The following SMAD5 variants were observed in gnomAD, a reference collection of about 807,000 sequenced individuals.
The protein encoded by SMAD5 is SMAD family member 5, also known as MAD, mothers against decapentaplegic homolog 5.
In SMAD5, 9 loss-of-function variants were observed where a neutral mutation model predicts 43.1. The observed-to-expected ratio is 0.21, with a 90% CI of 0.13 to 0.36. SMAD5 has a LOEUF of 0.36. SMAD5 is among the 10% of genes least tolerant of loss of function. The probability of loss-of-function intolerance (pLI) is 1.00; values close to 1 mark genes in which losing one functional copy is unlikely to be tolerated. For synonymous variants in SMAD5, 190 were observed against 192.4 expected (o/e 0.99, Z 0.10); for missense variants, 348 against 574.0 (o/e 0.61, Z 4.02).
chr5:136,143,990 C>T (rs963671449), intron 1 of SMAD5, among the ~76,000 whole-genome samples: 1 of 151,886 alleles, frequency 6.6e-6, no homozygotes, highest in African/African-American at 2.4e-5. Flanking sequence ...CATGTATGTA[C>T]TCTAAATACC....
chr5:136,168,980 A>G (rs1435368911), intron 5 of SMAD5, among the ~76,000 whole-genome samples: 2 of 152,268 alleles, frequency 1.3e-5, no homozygotes, highest in South Asian at 2.1e-4. Context: ...GGAGTTTATT[A>G]AGGAGAATTG....
chr5:136,138,133 C>T (rs1240322615), intron 1 of SMAD5, among the ~76,000 whole-genome samples: 2 of 152,136 alleles, frequency 1.3e-5, no homozygotes, highest in African/African-American at 4.8e-5. Context: ...AGATCAGGCT[C>T]TGTTTAATTA....
chr5:136,166,693 A>C (rs1213976446), intron 5 of SMAD5, among the ~76,000 whole-genome samples: 1 of 152,254 alleles, frequency 6.6e-6, no homozygotes, highest in African/African-American at 2.4e-5. Flanking sequence ...AGCACACAAC[A>C]TTAGGCCGTA....
At chr5:136,143,021 C>A (rs990622052) in intron 1 of SMAD5, among the ~76,000 whole-genome samples, 1 of 152,050 alleles carries the variant, frequency 6.6e-6, no homozygotes, top group Non-Finnish European at 1.5e-5. Flanking sequence ...TATCACAATT[C>A]ATCTCTCCAA....
In SMAD5 at chr5:136,161,100, G is replaced by A; in HGVS notation, c.648G>A (p.Gln216=). The part of the protein sequence containing the change: ...PASSGPGSPF[Q]LPADTPPPAY... The stretch of plus-strand genomic sequence containing the variant: ...GTTCTGGACCAGGAAGTCCATTTCA[G>A]CTCCCAGGTAAGACTTTATTTTATT... The change falls in exon 4 of 8, where the codon CAG becomes CAA. Residue 216 remains glutamine, a synonymous_variant. Transcript: ENST00000545279. The A allele has an allele frequency of 4.3e-6, 7 of 1,612,204 alleles. No individual in the cohort carries two copies. The highest frequency in any genetic ancestry group is 5.9e-6 in the Non-Finnish European group (7 of 1,179,482).
intron 3 of SMAD5, among the ~76,000 whole-genome samples, chr5:136,155,096 A>G (rs1214846681): frequency 2.6e-5 from 4 of 152,232 alleles, no homozygotes; most frequent in East Asian, 3.9e-4. Context: ...ACTCAAGTCA[A>G]CTTCTCCCTT....
rs1225477555 is a variant in SMAD5 at position 136,181,952 on chromosome 5, C to A, written c.*4472C>A. ...AGTAAAACAGGTGATAAGTTATTTT[C>A]TCTGAAAAGATCCAGTCCTAGAGCA... On this transcript the variant is annotated 3_prime_UTR_variant, in exon 8 of 8. Transcript: ENST00000545279. 3 of 152,158 alleles carry A rather than the reference C, an allele frequency of 2.0e-5. No homozygotes were observed. The highest frequency in any genetic ancestry group is 2.9e-5 in the Non-Finnish European group (2 of 68,016). The allele number at this position is 152,158 out of a possible 1,614,324, so 9.4% of individuals were successfully genotyped here.
At chr5:136,150,676 G>A (rs1753426162) in intron 2 of SMAD5, among the ~76,000 whole-genome samples, 1 of 151,926 alleles carries the variant, frequency 6.6e-6, no homozygotes, top group Non-Finnish European at 1.5e-5. Flanking sequence ...GCAGGGATTT[G>A]GATTGGATCA....
chr5:136,156,671 A>G (rs1312898788), intron 3 of SMAD5, among the ~76,000 whole-genome samples: 1 of 152,186 alleles, frequency 6.6e-6, no homozygotes, highest in Non-Finnish European at 1.5e-5. Context: ...CAAGCTTGCT[A>G]TTTGCTAGGA....
In SMAD5 at chr5:136,178,937, C is replaced by G. The variant is rs994011709; in HGVS notation, c.*1457C>G. ...GCATGGTGGTGCGTGCCTGAAGTCC[C>G]AGCTACTCGGGAAGCTGAGGCAGAA... On this transcript the variant is annotated 3_prime_UTR_variant, in exon 8 of 8. Transcript: ENST00000545279. 1 of 152,388 alleles carries G rather than the reference C, an allele frequency of 6.6e-6. No individual in the cohort carries two copies. The highest frequency in any genetic ancestry group is 1.5e-5 in the Non-Finnish European group (1 of 68,244). 9.4% of individuals were successfully genotyped at this position (152,388 alleles called of 1,614,324 possible). A position where few individuals can be genotyped will look rare whatever the true frequency, so the allele number is the denominator to read the frequency against.
In SMAD5 at chr5:136,157,132, A is replaced by G. The variant is rs577782630; in HGVS notation, c.403+2969A>G. Among the ~76,000 whole-genome samples the G allele has an allele frequency of 1.1e-4, 16 of 152,356 alleles. No homozygotes were observed. In the South Asian group the frequency reaches 3.3e-3, roughly 32 times the overall value. On this transcript the variant is annotated intron_variant, in intron 3 of 7. Transcript: ENST00000545279. Reference sequence around the variant, plus strand: ...TTAGAAAAGGGTACTGACATTTTACAACCCTTTCAGTTTACTTATGGGTTT... The same window carrying G: ...TTAGAAAAGGGTACTGACATTTTACGACCCTTTCAGTTTACTTATGGGTTT...
At position 136,154,027 on chromosome 5, in the gene SMAD5, T is replaced by C. The variant is rs1207515331; in HGVS notation, c.267T>C (p.Tyr89=). Residue 89 remains tyrosine (Y), a synonymous_variant, in exon 3 of 8, where the codon TAT becomes TAC. Transcript: ENST00000545279. ...SHRKGLPHVI[Y]CRVWRWPDLQ... is the part of the protein sequence containing the mutation. The stretch of plus-strand genomic sequence containing the variant: ...GAAAAGGCTTACCCCATGTTATATA[T>C]TGTCGTGTTTGGCGCTGGCCGGATT... 1 of 1,609,298 alleles carries C rather than the reference T, an allele frequency of 6.2e-7. No homozygotes were observed. Among genetic ancestry groups the C allele is most frequent in the Non-Finnish European group, 8.5e-7 (1 of 1,178,390 alleles).
In SMAD5 at chr5:136,153,601, C is replaced by T. The variant is rs1351543659; in HGVS notation, c.-160C>T. 1 of 581,046 alleles carries T rather than the reference C, an allele frequency of 1.7e-6. No homozygotes were observed. Among genetic ancestry groups the T allele is most frequent in the Non-Finnish European group, 3.0e-6 (1 of 330,614 alleles). The allele number at this position is 581,046 out of a possible 1,614,324, so 36.0% of individuals were successfully genotyped here. A position where few individuals can be genotyped will look rare whatever the true frequency, so the allele number is the denominator to read the frequency against. ...CCCCTTTCTCTTTCAGGACTTGACC[C>T]AATGAAAGAAGCATATGGCACTTGT... On this transcript the variant is annotated 5_prime_UTR_variant, in exon 3 of 8. Coordinates refer to ENST00000545279, the MANE Select transcript of SMAD5 (RefSeq NM_005903.7).
chr5:136,174,455 C>T lies in SMAD5; in HGVS notation c.1077C>T (p.Asn359=), dbSNP rs753037546. The T allele has an allele frequency of 8.7e-6, 14 of 1,613,786 alleles. No homozygotes were observed. The East Asian group carries it at 2.7e-4, about 31-fold the overall frequency. ...SDSSIFVQSR[N]CNFHHGFHPT... ...GCAGCATATTTGTACAGAGTAGGAACTGCAACTTTCATCATGGCTTTCATC... is the reference window on the plus strand; with the variant it reads ...GCAGCATATTTGTACAGAGTAGGAATTGCAACTTTCATCATGGCTTTCATC... The change falls in exon 7 of 8, where the codon AAC becomes AAT. Residue 359 remains asparagine, a synonymous_variant. Transcript: ENST00000545279.
chr5:136,165,333 G>GAT (rs966826682), intron 5 of SMAD5, among the ~76,000 whole-genome samples: 5 of 151,856 alleles, frequency 3.3e-5, no homozygotes, highest in Non-Finnish European at 7.4e-5. Context: ...TTGTTGTTGA[G>GAT]ATGGAGTCTT....
At position 136,162,025 on chromosome 5, in the gene SMAD5, A is replaced by T. The variant is rs1239880739; in HGVS notation, c.655+918A>T. On this transcript the variant is annotated intron_variant, in intron 4 of 7. Coordinates refer to ENST00000545279, the MANE Select transcript of SMAD5 (RefSeq NM_005903.7). The stretch of plus-strand genomic sequence containing the variant: ...TGAGCTGTGCATATCTTTAAGAAAG[A>T]TCAATAAAAACAAGACTGTTATTTA... 3.9e-5 allele frequency among the ~76,000 whole-genome samples: 6 copies of T among 152,256 alleles called. No homozygotes were observed. In the East Asian group the frequency reaches 9.6e-4, roughly 24 times the overall value.
At chr5:136,146,418 T>C (rs111773128) in intron 1 of SMAD5, among the ~76,000 whole-genome samples, 1 of 151,720 alleles carries the variant, frequency 6.6e-6, no homozygotes, top group Non-Finnish European at 1.5e-5. Context: ...TGAAGATAGG[T>C]GTTCTCAGTG....
intron 5 of SMAD5, among the ~76,000 whole-genome samples, chr5:136,168,228 T>G (rs367886735): frequency 6.6e-6 from 1 of 152,322 alleles, no homozygotes; most frequent in South Asian, 2.1e-4. Flanking sequence ...GATGTAGAGC[T>G]TCCATGTATC....
intron 1 of SMAD5, among the ~76,000 whole-genome samples, chr5:136,146,708 G>A (rs1753268948): frequency 6.6e-6 from 1 of 151,698 alleles, no homozygotes; most frequent in Non-Finnish European, 1.5e-5. Flanking sequence ...AGTATAGTCT[G>A]CAGAAAAGAC....
Sources: gnomAD v4.1 joint callset for allele counts (sites outside exome capture counted in the v4.1 genomes callset) on GRCh38, gnomAD v4.1.1 for gene constraint, MANE v1.5 for transcripts, NCBI Gene and HGNC (gene_info 2026-07-23, HGNC 2026-07-21) for gene names.